Variants in TRIM14 observed in about 807,000 individuals in gnomAD.
TRIM14 encodes tripartite motif-containing protein 14.
TRIM14 carries 28 observed loss-of-function variants against 44.5 expected under a neutral mutation model. That is an observed-to-expected ratio of 0.63 (90% confidence interval 0.47 to 0.86). TRIM14 has a LOEUF of 0.86. TRIM14 is among the 40% of genes least tolerant of loss of function. The pLI is 0.00. For synonymous variants in TRIM14, 299 were observed against 269.2 expected (o/e 1.11, Z -1.08); for missense variants, 607 against 611.1 (o/e 0.99, Z 0.07).
At chr9:98,098,444 GCT>G (rs1414242817) in intron 3 of TRIM14, among the ~76,000 whole-genome samples, 4 of 152,046 alleles carry the variant, frequency 2.6e-5, no homozygotes, top group African/African-American at 9.7e-5. Flanking sequence ...GGGTGCGGTG[GCT>G]CACGCCTGTA....
In TRIM14 at chr9:98,091,550, C is replaced by G. The variant is rs143374440; in HGVS notation, c.793+359G>C. Among the ~76,000 whole-genome samples, 17 of 151,716 alleles carry G rather than the reference C, an allele frequency of 1.1e-4. No individual in the cohort carries two copies. In the East Asian group the frequency reaches 3.1e-3, roughly 28 times the overall value. The stretch of plus-strand genomic sequence containing the variant: ...TATATCAGTAAATGAAAACAGATGA[C>G]AAAACAGTATGTATAGTATGACACC... On this transcript the variant is annotated intron_variant, in intron 5 of 5. Coordinates refer to ENST00000341469, the MANE Select transcript of TRIM14 (RefSeq NM_014788.4).
the TRIM14 span, among the ~76,000 whole-genome samples, chr9:98,040,953 T>G: frequency 1.3e-5 from 2 of 151,002 alleles, no homozygotes; most frequent in African/African-American, 2.4e-5. Context: ...CCGTGCCCAG[T>G]GATTTTTTTA....
chr9:98,106,870 G>T (rs1179034704), intron 2 of TRIM14, among the ~76,000 whole-genome samples: 5 of 146,846 alleles, frequency 3.4e-5, no homozygotes, highest in Non-Finnish European at 5.9e-5. Context: ...CTGTCACCCA[G>T]GCTGGAGTGT....
the TRIM14 span, among the ~76,000 whole-genome samples, chr9:98,042,292 G>GAA: frequency 0.33 from 44,711 of 135,822 alleles, 8,958 homozygotes; most frequent in African/African-American, 0.55. Flanking sequence ...GACTCTGTCT[G>GAA]GAAAAAAAAA....
intron 2 of TRIM14, among the ~76,000 whole-genome samples, chr9:98,107,205 A>C (rs1001356731): frequency 3.3e-5 from 5 of 152,236 alleles, no homozygotes; most frequent in African/African-American, 1.2e-4. Flanking sequence ...AAAATGGCAC[A>C]ACCACTCTGG....
At chr9:98,038,565 G>A in the TRIM14 span, among the ~76,000 whole-genome samples, 1 of 152,126 alleles carries the variant, frequency 6.6e-6, no homozygotes, top group Non-Finnish European at 1.5e-5. Context: ...AGCCTAACTT[G>A]CTTTCGTGAG....
At position 98,095,111 on chromosome 9, in the gene TRIM14, C is replaced by T; in HGVS notation, c.538-82G>A. 6.7e-6 allele frequency: 10 copies of T among 1,501,484 alleles called. No homozygotes were observed. The highest frequency in any genetic ancestry group is 8.9e-6 in the Non-Finnish European group (10 of 1,125,498). The allele number at this position is 1,501,484 out of a possible 1,614,324, so 93.0% of individuals were successfully genotyped here. A position where few individuals can be genotyped will look rare whatever the true frequency, so the allele number is the denominator to read the frequency against. ...CTCCTGTGCTGCACCCAGGAACAAA[C>T]CCACACCAGCATGCCCAGGCTCCAC... On this transcript the variant is annotated intron_variant, in intron 3 of 5. Coordinates refer to ENST00000341469, the MANE Select transcript of TRIM14 (RefSeq NM_014788.4). The surrounding 1 kb of genome is among the most constrained non-coding windows in gnomAD (Gnocchi z 4.1).
chr9:98,105,566 G>A (rs1382679835), intron 2 of TRIM14, among the ~76,000 whole-genome samples: 2 of 152,164 alleles, frequency 1.3e-5, no homozygotes, highest in East Asian at 3.9e-4. Flanking sequence ...GCAACAGATC[G>A]AGACTCTGTC....
intron 2 of TRIM14, among the ~76,000 whole-genome samples, chr9:98,105,009 AG>A (rs757496972): frequency 1.4e-5 from 1 of 71,864 alleles, no homozygotes; most frequent in East Asian, 2.3e-4. Flanking sequence ...TGGCAATGGC[AG>A]GCAGGAAGAG....
the TRIM14 span, among the ~76,000 whole-genome samples, chr9:98,039,920 T>G: frequency 1.3e-5 from 2 of 152,138 alleles, no homozygotes; most frequent in Non-Finnish European, 2.9e-5. Flanking sequence ...GCACTTCCCA[T>G]GTCTTCATGA....
At chr9:98,056,545 C>T in the TRIM14 span, among the ~76,000 whole-genome samples, 1 of 152,016 alleles carries the variant, frequency 6.6e-6, no homozygotes, top group Admixed American at 6.5e-5. Flanking sequence ...CAGCAAGCCT[C>T]AAGCCTCGCA....
chr9:98,089,551 A>G (rs905330802), intron 5 of TRIM14, among the ~76,000 whole-genome samples: 4 of 152,194 alleles, frequency 2.6e-5, no homozygotes, highest in African/African-American at 9.7e-5. Flanking sequence ...GGGCAAACTT[A>G]TCTACCTACT....
chr9:98,061,159 G>A, the TRIM14 span: 2 of 654,032 alleles, frequency 3.1e-6, no homozygotes, highest in Non-Finnish European at 5.3e-6. Context: ...AGAATCTGTG[G>A]GAAGGATGCC....
intron 4 of TRIM14, 27 bp from the exon 5 acceptor site, chr9:98,092,028 G>A (rs369115179): frequency 1.9e-6 from 3 of 1,552,444 alleles, no homozygotes; most frequent in East Asian, 2.3e-5. Context: ...AGAAATGAGC[G>A]CCCGGAGCTT....
intron 2 of TRIM14, among the ~76,000 whole-genome samples, chr9:98,105,187 G>A (rs537132458): frequency 2.2e-5 from 3 of 133,934 alleles, no homozygotes; most frequent in South Asian, 2.2e-4. Flanking sequence ...CAGCTCCTGC[G>A]GGTCACAGAG....
chr9:98,072,294 C>G (rs1316190344), intron 6 of TRIM14, among the ~76,000 whole-genome samples: 1 of 152,280 alleles, frequency 6.6e-6, no homozygotes, highest in East Asian at 1.9e-4. Flanking sequence ...GACTCAGAAC[C>G]CTTTGGAGTT....
chr9:98,093,321 G>GT (rs1826066740), intron 4 of TRIM14, among the ~76,000 whole-genome samples: 1 of 152,130 alleles, frequency 6.6e-6, no homozygotes, highest in Admixed American at 6.5e-5. Flanking sequence ...TCCCCCAGAC[G>GT]TAACAGCAGC....
chr9:98,047,795 G>A, the TRIM14 span, among the ~76,000 whole-genome samples: 1 of 152,014 alleles, frequency 6.6e-6, no homozygotes, highest in Non-Finnish European at 1.5e-5. Flanking sequence ...GCCGGGCGTG[G>A]TTCCTCATAC....
At chr9:98,073,417 T>C (rs2117875756) in intron 6 of TRIM14, among the ~76,000 whole-genome samples, 1 of 151,346 alleles carries the variant, frequency 6.6e-6, no homozygotes, top group Middle Eastern at 3.4e-3. Context: ...CCCGAGTAGC[T>C]GGGATTACAG....
Sources: allele counts gnomAD v4.1 joint callset (sites outside exome capture counted in the v4.1 genomes callset), GRCh38; gene constraint gnomAD v4.1.1; non-coding constraint Gnocchi (gnomAD v3.1); transcripts MANE v1.5; gene names NCBI Gene and HGNC (gene_info 2026-07-23, HGNC 2026-07-21).